Variants in NLGN4X observed in about 807,000 individuals in gnomAD.
The protein encoded by NLGN4X is neuroligin-4, X-linked.
NLGN4X carries 3 observed loss-of-function variants against 40.3 expected under a neutral mutation model. The observed-to-expected ratio is 0.07, with a 90% confidence interval of 0.03 to 0.19. NLGN4X has a LOEUF of 0.19. Among genes scored for constraint, NLGN4X ranks in the 10% least tolerant of loss-of-function variants. The pLI is 1.00. For synonymous variants in NLGN4X, 270 were observed against 306.8 expected, an observed-to-expected ratio of 0.88 and a Z score of 1.25; for missense variants, 382 against 708.3, an observed-to-expected ratio of 0.54 and a Z score of 5.23.
intron 1 of NLGN4X, among the ~76,000 whole-genome samples, chrX:6,202,919 C>T (rs1252938019): frequency 8.9e-6 from 1 of 111,815 alleles, no homozygotes; most frequent in Non-Finnish European, 1.9e-5. Context: ...GGCCTCTATC[C>T]AATAGTTTGC....
At chrX:5,899,452 C>T (rs780044906) in intron 5 of NLGN4X, among the ~76,000 whole-genome samples, 1 of 111,618 alleles carries the variant, frequency 9.0e-6, no homozygotes, top group Non-Finnish European at 1.9e-5. Flanking sequence ...TGAATGGCAA[C>T]GTGAATGTAT....
chrX:6,027,210 T>C (rs765413411), intron 3 of NLGN4X, among the ~76,000 whole-genome samples: 1 of 112,065 alleles, frequency 8.9e-6, no homozygotes. Flanking sequence ...CACCTCTTTG[T>C]CAGAATGAAC....
At chrX:6,044,528 T>G (rs774560955) in intron 2 of NLGN4X, among the ~76,000 whole-genome samples, 1 of 111,516 alleles carries the variant, frequency 9.0e-6, no homozygotes, top group Non-Finnish European at 1.9e-5. Context: ...GGAGGTTTTT[T>G]TATGGAAGAT....
intron 3 of NLGN4X, among the ~76,000 whole-genome samples, chrX:6,005,482 C>T (rs1016554910): frequency 1.8e-5 from 2 of 111,264 alleles, no homozygotes; most frequent in Non-Finnish European, 3.8e-5. Flanking sequence ...GAACCATCAA[C>T]ACACAGCCCT....
chrX:6,013,255 T>C (rs1166095075), intron 3 of NLGN4X, among the ~76,000 whole-genome samples: 1 of 111,540 alleles, frequency 9.0e-6, no homozygotes, highest in African/African-American at 3.3e-5. Context: ...TAATGAATTA[T>C]GATACAGGTA....
chrX:6,096,887 T>C (rs1156825207), intron 2 of NLGN4X, among the ~76,000 whole-genome samples: 1 of 109,555 alleles, frequency 9.1e-6, no homozygotes, highest in Non-Finnish European at 1.9e-5. Flanking sequence ...TGAAGGGAGG[T>C]TGGACTCGAA....
chrX:6,083,160 G>A (rs1210481705), intron 2 of NLGN4X, among the ~76,000 whole-genome samples: 3 of 99,906 alleles, frequency 3.0e-5, no homozygotes, highest in Non-Finnish European at 4.1e-5. Context: ...GGGTTTCACC[G>A]TGTTAGCCAG....
chrX:5,947,609 A>C (rs750540985), intron 3 of NLGN4X, among the ~76,000 whole-genome samples: 1 of 112,106 alleles, frequency 8.9e-6, no homozygotes, highest in Non-Finnish European at 1.9e-5. Context: ...AGAGAATCAA[A>C]AGTAGCTTCA....
chrX:6,138,781 TCTC>T (rs2039879519), intron 2 of NLGN4X, among the ~76,000 whole-genome samples: 1 of 111,187 alleles, frequency 9.0e-6, no homozygotes, highest in Non-Finnish European at 1.9e-5. Flanking sequence ...AAAAGCTCCT[TCTC>T]CTTGGAAGAT....
intron 2 of NLGN4X, among the ~76,000 whole-genome samples, chrX:6,125,264 CT>C (rs1341071527): frequency 8.9e-6 from 1 of 111,897 alleles, no homozygotes; most frequent in Non-Finnish European, 1.9e-5. Flanking sequence ...CCAAATAAAT[CT>C]GAAAATAGGA....
chrX:5,975,629 A>AT (rs2035155396), intron 3 of NLGN4X, among the ~76,000 whole-genome samples: 2 of 108,106 alleles, frequency 1.9e-5, no homozygotes, highest in South Asian at 4.0e-4. Flanking sequence ...AAAAAAAAAA[A>AT]GCAGTTTAAA....
chrX:6,198,657 G>T (rs1923340803), intron 1 of NLGN4X, among the ~76,000 whole-genome samples: 1 of 111,416 alleles, frequency 9.0e-6, no homozygotes, highest in Non-Finnish European at 1.9e-5. Flanking sequence ...CTCAGAAGAG[G>T]CAGCATCTCA....
intron 1 of NLGN4X, among the ~76,000 whole-genome samples, chrX:6,153,118 A>C (rs1246350149): frequency 1.8e-5 from 2 of 112,491 alleles, no homozygotes; most frequent in Non-Finnish European, 3.8e-5. Context: ...TGTGTTTCTA[A>C]GGATTTTGTG....
At chrX:5,930,305 T>C (rs1168102562) in intron 3 of NLGN4X, among the ~76,000 whole-genome samples, 1 of 112,264 alleles carries the variant, frequency 8.9e-6, no homozygotes, top group Non-Finnish European at 1.9e-5. Flanking sequence ...CACACAATCT[T>C]AATGACATCT....
At chrX:6,099,523 T>A (rs1034021220) in intron 2 of NLGN4X, among the ~76,000 whole-genome samples, 5 of 112,380 alleles carry the variant, frequency 4.4e-5, no homozygotes, top group Admixed American at 2.8e-4. Flanking sequence ...TGTTTCCTGG[T>A]ATCTATGACT....
At chrX:6,141,794 G>A (rs2039952853) in intron 2 of NLGN4X, among the ~76,000 whole-genome samples, 1 of 110,890 alleles carries the variant, frequency 9.0e-6, no homozygotes, top group African/African-American at 3.3e-5. Context: ...ACTCCAGCCT[G>A]GGTGACAGAG....
chrX:6,089,193 C>A (rs1051269224), intron 2 of NLGN4X, among the ~76,000 whole-genome samples: 1 of 111,928 alleles, frequency 8.9e-6, no homozygotes, highest in African/African-American at 3.2e-5. Flanking sequence ...AATTAAATTA[C>A]AATGAGTGGT....
rs374738015 is a variant in NLGN4X at position 6,203,451 on chromosome X, C to T, written c.-306+25090G>A. Among the ~76,000 whole-genome samples the T allele has an allele frequency of 6.2e-5, 7 of 112,405 alleles. No homozygotes were observed. The East Asian group carries it at 8.4e-4, about 14-fold the overall frequency. ...TGGTGCCAGATTTGATTTGAACAAC[C>T]AATAGCATGTAGCAAAAGTGACAAG... On this transcript the variant is annotated intron_variant, in intron 1 of 5. Transcript: ENST00000381095.
At chrX:5,972,836 C>T (rs1179414682) in intron 3 of NLGN4X, among the ~76,000 whole-genome samples, 1 of 110,959 alleles carries the variant, frequency 9.0e-6, no homozygotes, top group Non-Finnish European at 1.9e-5. Flanking sequence ...GCATGAGACA[C>T]TGTGCCTTGC....
Sources: gnomAD v4.1 joint callset for allele counts (sites outside exome capture counted in the v4.1 genomes callset) on GRCh38, gnomAD v4.1.1 for gene constraint, MANE v1.5 for transcripts, NCBI Gene and HGNC (gene_info 2026-07-23, HGNC 2026-07-21) for gene names.